The following KIRREL3 variants were observed in gnomAD, a reference collection of about 807,000 sequenced individuals.
KIRREL3 encodes the protein kirre like nephrin family adhesion molecule 3.
Under a neutral mutation model 89.7 loss-of-function variants are expected in KIRREL3, and 36 were observed. That is an observed-to-expected ratio of 0.40 (90% CI 0.31 to 0.53). The LOEUF (loss-of-function observed/expected upper bound fraction) is 0.53, where lower values mean the gene tolerates loss of function less well. Ranked by LOEUF, KIRREL3 falls within the 20% of genes least tolerant of loss-of-function variation. The pLI is 0.49. For missense variants in KIRREL3, 864 were observed against 1,056.6 expected (o/e 0.82, Z 2.53); for synonymous variants, 445 against 441.4 (o/e 1.01, Z -0.10).
Position 126,755,265 on chromosome 11 carries a change from CAT to C in KIRREL3, c.56-192355_56-192354del, listed in dbSNP as rs1949454942. 6.6e-6 allele frequency among the ~76,000 whole-genome samples: 1 copy of C among 152,142 alleles called. No individual in the cohort carries two copies. The highest frequency in any genetic ancestry group is 2.4e-5 in the African/African-American group (1 of 41,428). ...TTGCCTGCCCTCCTGTAGCCACAAA[CAT>C]AGCCCTGCAGACAGTTCCCTCTTGA... On this transcript the variant is annotated intron_variant, in intron 1 of 16. Coordinates refer to ENST00000525144, the MANE Select transcript of KIRREL3 (RefSeq NM_032531.4). The surrounding 1 kb of genome is among the most constrained non-coding windows in gnomAD (Gnocchi z 4.3).
rs556363593 is a variant in KIRREL3 at position 126,657,069 on chromosome 11, C to CA, written c.56-94158dup. ...AGACTGTGTCTCAAAAAAAAAGAAA[C>CA]AAAAAAAAACAGAAAAAATAAATGA... is the stretch of plus-strand genomic sequence containing the variant. On this transcript the variant is annotated intron_variant, in intron 1 of 16. Transcript: ENST00000525144. Among the ~76,000 whole-genome samples, 202 of 151,204 alleles carry CA rather than the reference C, an allele frequency of 1.3e-3. 2 individuals carry two copies. In the South Asian group the frequency reaches 0.025, roughly 19 times the overall value.
chr11:126,682,736 C>G lies in KIRREL3; in HGVS notation c.56-119824G>C, dbSNP rs1946514538. Among the ~76,000 whole-genome samples the G allele has an allele frequency of 6.6e-6, 1 of 152,132 alleles. No individual in the cohort carries two copies. Among genetic ancestry groups the G allele is most frequent in the Admixed American group, 6.5e-5 (1 of 15,282 alleles). ...TGCGCAGTTCACAACAGGGCTGGTGCTCCTAGGAGAATCTAACGCCTCTGC... is the reference window on the plus strand; with the variant it reads ...TGCGCAGTTCACAACAGGGCTGGTGGTCCTAGGAGAATCTAACGCCTCTGC... On this transcript the variant is annotated intron_variant, in intron 1 of 16. Transcript: ENST00000525144. This position sits in a 1 kb window ranked among gnomAD's most constrained non-coding sequence, Gnocchi z 4.8.
At chr11:126,573,604 A>C (rs1941092425) in intron 1 of KIRREL3, among the ~76,000 whole-genome samples, 1 of 152,196 alleles carries the variant, frequency 6.6e-6, no homozygotes, top group African/African-American at 2.4e-5. Context: ...ACGACGCTGT[A>C]TCCTATAATT....
Position 126,579,778 on chromosome 11 carries a change from C to T in KIRREL3, c.56-16866G>A, listed in dbSNP as rs1479582908. On this transcript the variant is annotated intron_variant, in intron 1 of 16. Transcript: ENST00000525144. The surrounding 1 kb of genome is among the most constrained non-coding windows in gnomAD (Gnocchi z 5.3). ...CTCATGACCCCCTGCCTCTCTCCAC[C>T]TCTGCGTGATGTTTTTCTGTTCGCC... Among the ~76,000 whole-genome samples the T allele has an allele frequency of 1.3e-5, 2 of 152,068 alleles. No individual in the cohort carries two copies. Among genetic ancestry groups the T allele is most frequent in the African/African-American group, 4.8e-5 (2 of 41,418 alleles).
chr11:126,790,249 T>C (rs976613558), intron 1 of KIRREL3, among the ~76,000 whole-genome samples: 1 of 152,222 alleles, frequency 6.6e-6, no homozygotes, highest in African/African-American at 2.4e-5. Context: ...TAAGCATTCA[T>C]TGACTGATTA....
In KIRREL3 at chr11:126,565,689, GA is replaced by G. The variant is rs1244344111; in HGVS notation, c.56-2778del. On this transcript the variant is annotated intron_variant, in intron 1 of 16. Transcript: ENST00000525144. The surrounding 1 kb of genome is among the most constrained non-coding windows in gnomAD (Gnocchi z 5.4). ...ATATGAAAATTTGGGATGTCCTTTGGAGAGATTTGCAAAGCTAAATTAAAGG... is the reference window on the plus strand; with the variant it reads ...ATATGAAAATTTGGGATGTCCTTTGGGAGATTTGCAAAGCTAAATTAAAGG... 6.6e-6 allele frequency among the ~76,000 whole-genome samples: 1 copy of G among 152,150 alleles called. No homozygotes were observed. Among genetic ancestry groups the G allele is most frequent in the Non-Finnish European group, 1.5e-5 (1 of 68,026 alleles).
chr11:126,778,575 A>T lies in KIRREL3; in HGVS notation c.56-215663T>A, dbSNP rs1431265460. On this transcript the variant is annotated intron_variant, in intron 1 of 16. Transcript: ENST00000525144. The surrounding 1 kb of genome is among the most constrained non-coding windows in gnomAD (Gnocchi z 4.5). Reference sequence around the variant, plus strand: ...AATACCCTTTTACTGAAATCTTTGCACACATCCCAGATTTTTCCTTCGTTT... The same window carrying T: ...AATACCCTTTTACTGAAATCTTTGCTCACATCCCAGATTTTTCCTTCGTTT... 6.6e-6 allele frequency among the ~76,000 whole-genome samples: 1 copy of T among 152,220 alleles called. No homozygotes were observed. The highest frequency in any genetic ancestry group is 1.9e-4 in the East Asian group (1 of 5,200).
Position 126,694,459 on chromosome 11 carries a change from A to T in KIRREL3, c.56-131547T>A, listed in dbSNP as rs188970793. 2.1e-3 allele frequency among the ~76,000 whole-genome samples: 315 copies of T among 152,214 alleles called. 1 individual carries two copies. The highest frequency in any genetic ancestry group is 3.5e-3 in the Non-Finnish European group (235 of 68,020). ...TGACATTTAAAAGTGGGGAAGGAAAATACTGCAGAGGAAGCAGGGCGAGCG... is the reference window on the plus strand; with the variant it reads ...TGACATTTAAAAGTGGGGAAGGAAATTACTGCAGAGGAAGCAGGGCGAGCG... On this transcript the variant is annotated intron_variant, in intron 1 of 16. Transcript: ENST00000525144. The surrounding 1 kb of genome is among the most constrained non-coding windows in gnomAD (Gnocchi z 4.4).
At position 126,990,739 on chromosome 11, in the gene KIRREL3, T is replaced by C. The variant is rs527577634; in HGVS notation, c.55+9716A>G. ...CATCTCCCTGAAGAAACAGAACTCC[T>C]TGTGAATGTGGGGTGGACCCCAGCG... is the stretch of plus-strand genomic sequence containing the variant. On this transcript the variant is annotated intron_variant, in intron 1 of 16. Coordinates refer to ENST00000525144, the MANE Select transcript of KIRREL3 (RefSeq NM_032531.4). The surrounding 1 kb of genome is among the most constrained non-coding windows in gnomAD (Gnocchi z 6.3). Among the ~76,000 whole-genome samples the C allele has an allele frequency of 4.7e-4, 71 of 152,292 alleles. No individual in the cohort carries two copies. Among genetic ancestry groups the C allele is most frequent in the African/African-American group, 1.6e-3 (65 of 41,548 alleles).
intron 1 of KIRREL3, among the ~76,000 whole-genome samples, chr11:126,584,729 C>T (rs1341561112): frequency 6.6e-6 from 1 of 152,074 alleles, no homozygotes; most frequent in Non-Finnish European, 1.5e-5. Context: ...GGCAGAGCTT[C>T]CCCACTGTGA....
At chr11:126,785,124 G>A (rs530397943) in intron 1 of KIRREL3, among the ~76,000 whole-genome samples, 1 of 152,164 alleles carries the variant, frequency 6.6e-6, no homozygotes. Flanking sequence ...GAATCCTCGT[G>A]GGGGCAAGGG....
At position 126,463,086 on chromosome 11, in the gene KIRREL3, A is replaced by G. The variant is rs1956601073; in HGVS notation, c.742+71T>C. 3.5e-6 allele frequency: 5 copies of G among 1,446,550 alleles called. No homozygotes were observed. Among genetic ancestry groups the G allele is most frequent in the Non-Finnish European group, 4.8e-6 (5 of 1,050,742 alleles). The allele number at this position is 1,446,550 out of a possible 1,614,324, so 89.6% of individuals were successfully genotyped here. Reference sequence around the variant, plus strand: ...TTCCTGCTATCAGATGGGCCAGGCTATGGTCAGGGTTGCTGGGTGTTTCAC... The same window carrying G: ...TTCCTGCTATCAGATGGGCCAGGCTGTGGTCAGGGTTGCTGGGTGTTTCAC... On this transcript the variant is annotated intron_variant, in intron 6 of 16. Coordinates refer to ENST00000525144, the MANE Select transcript of KIRREL3 (RefSeq NM_032531.4). The surrounding 1 kb of genome is among the most constrained non-coding windows in gnomAD (Gnocchi z 5.9).
rs1486475284 is a variant in KIRREL3 at position 126,489,191 on chromosome 11, T to C, written c.434-15725A>G. On this transcript the variant is annotated intron_variant, in intron 4 of 16. Coordinates refer to ENST00000525144, the MANE Select transcript of KIRREL3 (RefSeq NM_032531.4). The surrounding 1 kb of genome is among the most constrained non-coding windows in gnomAD (Gnocchi z 5.5). ...GTAGATGGATGCGCTGCGTTTGCGG[T>C]GGAGAGCCGGCTGCATGGGAATCAC... 6.6e-6 allele frequency among the ~76,000 whole-genome samples: 1 copy of C among 151,990 alleles called. No homozygotes were observed. Among genetic ancestry groups the C allele is most frequent in the Non-Finnish European group, 1.5e-5 (1 of 67,994 alleles).
At position 126,597,305 on chromosome 11, in the gene KIRREL3, C is replaced by T. The variant is rs554990600; in HGVS notation, c.56-34393G>A. ...ACACCAAAGGGCAGTGCCAGTAGCC[C>T]GCTGCAAGCTGACAAGGCTGAGTTC... is the stretch of plus-strand genomic sequence containing the variant. On this transcript the variant is annotated intron_variant, in intron 1 of 16. Coordinates refer to ENST00000525144, the MANE Select transcript of KIRREL3 (RefSeq NM_032531.4). 2.0e-4 allele frequency among the ~76,000 whole-genome samples: 30 copies of T among 152,346 alleles called. No homozygotes were observed. In the East Asian group the frequency reaches 3.3e-3, roughly 17 times the overall value.
At chr11:126,542,550 T>A (rs1482575810) in intron 2 of KIRREL3, among the ~76,000 whole-genome samples, 2 of 152,162 alleles carry the variant, frequency 1.3e-5, no homozygotes, top group African/African-American at 4.8e-5. Flanking sequence ...AGGGTGGGGC[T>A]CCCTCTCTGC....
intron 7 of KIRREL3, among the ~76,000 whole-genome samples, chr11:126,453,695 C>T (rs1699541311): frequency 1.3e-5 from 2 of 152,192 alleles, no homozygotes; most frequent in African/African-American, 4.8e-5. Context: ...CCGCCTCCTC[C>T]CTTCCCAGGC....
intron 4 of KIRREL3, among the ~76,000 whole-genome samples, chr11:126,478,661 GTA>G (rs915013334): frequency 6.6e-6 from 1 of 151,962 alleles, no homozygotes; most frequent in African/African-American, 2.4e-5. Context: ...ATGTGTATAT[GTA>G]TATATGTATG....
rs150129044 is a variant in KIRREL3 at position 126,830,674 on chromosome 11, A to T, written c.55+169781T>A. 0.013 allele frequency among the ~76,000 whole-genome samples: 1,913 copies of T among 152,280 alleles called. 39 individuals carry two copies. Among genetic ancestry groups the T allele is most frequent in the African/African-American group, 0.043 (1,798 of 41,540 alleles). ...TTAGGAAGGTGTTCGTGCCAGACGC[A>T]TTCATTGTCTAACTGCCTGGATGCA... On this transcript the variant is annotated intron_variant, in intron 1 of 16. Coordinates refer to ENST00000525144, the MANE Select transcript of KIRREL3 (RefSeq NM_032531.4). The surrounding 1 kb of genome is among the most constrained non-coding windows in gnomAD (Gnocchi z 4.9).
intron 1 of KIRREL3, among the ~76,000 whole-genome samples, chr11:126,596,604 A>G (rs1942408932): frequency 6.6e-6 from 1 of 152,150 alleles, no homozygotes; most frequent in African/African-American, 2.4e-5. Context: ...TAATGAAGAG[A>G]TGGTTTTTCT....
Sources: gnomAD v4.1 joint callset for allele counts (sites outside exome capture counted in the v4.1 genomes callset) on GRCh38, gnomAD v4.1.1 for gene constraint, Gnocchi (gnomAD v3.1) non-coding constraint, MANE v1.5 for transcripts, NCBI Gene and HGNC (gene_info 2026-07-23, HGNC 2026-07-21) for gene names.